Variants in MAPKAP1 observed in about 807,000 individuals in gnomAD.
MAPKAP1 encodes the protein target of rapamycin complex 2 subunit MAPKAP1.
In MAPKAP1, 20 loss-of-function variants were observed where a neutral mutation model predicts 65.7. The observed-to-expected ratio is 0.30, with a 90% CI of 0.21 to 0.44. MAPKAP1 has a LOEUF of 0.44. MAPKAP1 is among the 20% of genes least tolerant of loss of function. MAPKAP1 has a pLI of 1.00. For missense variants in MAPKAP1, 423 were observed against 648.0 expected (o/e 0.65, Z 3.77); for synonymous variants, 222 against 244.3 (o/e 0.91, Z 0.85).
At chr9:125,583,480 C>A (rs1415081655) in intron 5 of MAPKAP1, among the ~76,000 whole-genome samples, 1 of 152,222 alleles carries the variant, frequency 6.6e-6, no homozygotes, top group Non-Finnish European at 1.5e-5. Flanking sequence ...ACAGTGCCTG[C>A]AATAAGTACA....
chr9:125,655,333 T>C (rs972922981), intron 4 of MAPKAP1, among the ~76,000 whole-genome samples: 1 of 152,206 alleles, frequency 6.6e-6, no homozygotes, highest in African/African-American at 2.4e-5. Flanking sequence ...TGGAAATTAT[T>C]AAGAGTCAAC....
chr9:125,698,289 ATATATATATATATATAT>A (rs1440024480), intron 1 of MAPKAP1, among the ~76,000 whole-genome samples: 1,708 of 77,804 alleles, frequency 0.022, 132 homozygotes, highest in African/African-American at 0.077. Flanking sequence ...ATATATATAA[ATATATATATATATATAT>A]ATATATATAT....
At chr9:125,652,239 G>A (rs1366436225) in intron 4 of MAPKAP1, 4 of 1,288,278 alleles carry the variant, frequency 3.1e-6, no homozygotes, top group African/African-American at 1.5e-5. Context: ...ATAATTATCC[G>A]ACATAGACTG....
At position 125,657,978 on chromosome 9, in the gene MAPKAP1, G is replaced by A. The variant is rs115346099; in HGVS notation, c.350-179C>T. On this transcript the variant is annotated intron_variant, in intron 3 of 11. Coordinates refer to ENST00000265960, the MANE Select transcript of MAPKAP1 (RefSeq NM_001006617.3). ...CTGAAAAGGCAGAGCACGGAAGAAC[G>A]TGCAGGCCAGGATAGTCAATTTGGA... 5.5e-3 allele frequency among the ~76,000 whole-genome samples: 835 copies of A among 152,266 alleles called. 7 individuals are homozygous for A. The highest frequency in any genetic ancestry group is 0.019 in the African/African-American group (786 of 41,550).
chr9:125,661,291 C>T (rs1377267873), intron 3 of MAPKAP1, among the ~76,000 whole-genome samples: 1 of 152,180 alleles, frequency 6.6e-6, no homozygotes, highest in East Asian at 1.9e-4. Flanking sequence ...AGGAAAATCA[C>T]ATCTTCATTT....
intron 6 of MAPKAP1, among the ~76,000 whole-genome samples, chr9:125,547,873 G>C (rs1470216602): frequency 1.3e-5 from 2 of 152,126 alleles, no homozygotes; most frequent in Admixed American, 1.3e-4. Context: ...GGTATGTTCT[G>C]CCTCAACTTA....
chr9:125,655,573 G>A (rs1834012356), intron 4 of MAPKAP1, among the ~76,000 whole-genome samples: 2 of 151,958 alleles, frequency 1.3e-5, no homozygotes, highest in African/African-American at 4.8e-5. Context: ...TCATATTGAC[G>A]CATTTCACAA....
At chr9:125,620,576 T>C (rs958221236) in intron 4 of MAPKAP1, among the ~76,000 whole-genome samples, 12 of 152,216 alleles carry the variant, frequency 7.9e-5, no homozygotes, top group Non-Finnish European at 2.9e-5. Flanking sequence ...ACAGCGTTGT[T>C]TGTAATAGTA....
intron 4 of MAPKAP1, among the ~76,000 whole-genome samples, chr9:125,597,299 C>T (rs893951827): frequency 6.9e-6 from 1 of 145,758 alleles, no homozygotes; most frequent in Admixed American, 6.9e-5. Flanking sequence ...AAAAGCTTGG[C>T]CTGGTGGCAC....
chr9:125,700,550 G>GT (rs1167928152), intron 1 of MAPKAP1, among the ~76,000 whole-genome samples: 1 of 152,064 alleles, frequency 6.6e-6, no homozygotes, highest in Non-Finnish European at 1.5e-5. Context: ...TTTCGGGTTT[G>GT]TTTTTTAAGT....
intron 1 of MAPKAP1, among the ~76,000 whole-genome samples, chr9:125,681,593 A>G (rs1235324141): frequency 2.0e-5 from 3 of 152,216 alleles, no homozygotes; most frequent in Non-Finnish European, 4.4e-5. Context: ...CCAGTTAAAA[A>G]AGAACCTGGT....
intron 5 of MAPKAP1, among the ~76,000 whole-genome samples, chr9:125,563,690 A>G (rs1350870869): frequency 6.7e-6 from 1 of 150,346 alleles, no homozygotes; most frequent in Non-Finnish European, 1.5e-5. Context: ...CACTCTATGA[A>G]GAAAGCAAAG....
chr9:125,553,266 G>A (rs963722939), intron 6 of MAPKAP1, among the ~76,000 whole-genome samples: 3 of 152,126 alleles, frequency 2.0e-5, no homozygotes, highest in Non-Finnish European at 4.4e-5. Context: ...GGCTGGGCGC[G>A]GTGGCTCATG....
chr9:125,473,815 TA>T (rs1854010898), intron 9 of MAPKAP1, among the ~76,000 whole-genome samples: 1 of 152,148 alleles, frequency 6.6e-6, no homozygotes, highest in South Asian at 2.1e-4. Context: ...AGAGGGGGCT[TA>T]GGGGTAGGAA....
chr9:125,689,057 C>A (rs1317145529), intron 1 of MAPKAP1, among the ~76,000 whole-genome samples: 1 of 152,112 alleles, frequency 6.6e-6, no homozygotes, highest in African/African-American at 2.4e-5. Flanking sequence ...GAGGGTTAGG[C>A]GTATAAAGTG....
At chr9:125,604,735 G>A (rs17258072) in intron 4 of MAPKAP1, among the ~76,000 whole-genome samples, 4,126 of 152,292 alleles carry the variant, frequency 0.027, 84 homozygotes, top group Non-Finnish European at 0.044. Context: ...GGGACTGTAC[G>A]TACTCGTGCT....
intron 10 of MAPKAP1, among the ~76,000 whole-genome samples, chr9:125,466,318 G>A (rs1352518081): frequency 6.6e-6 from 1 of 152,038 alleles, no homozygotes; most frequent in African/African-American, 2.4e-5. Flanking sequence ...CTAGAGTTCT[G>A]AGGAACACGG....
chr9:125,659,702 T>C (rs970419474), intron 3 of MAPKAP1, among the ~76,000 whole-genome samples: 10 of 128,768 alleles, frequency 7.8e-5, no homozygotes, highest in African/African-American at 2.3e-4. Context: ...CACACAGTAC[T>C]GAAACACTGC....
chr9:125,547,928 G>C (rs1830476162), intron 6 of MAPKAP1, among the ~76,000 whole-genome samples: 1 of 152,184 alleles, frequency 6.6e-6, no homozygotes, highest in Non-Finnish European at 1.5e-5. Flanking sequence ...AAAAATCATG[G>C]TGGTGTAGAG....
Sources: gnomAD v4.1 joint callset for allele counts (sites outside exome capture counted in the v4.1 genomes callset) on GRCh38, gnomAD v4.1.1 for gene constraint, MANE v1.5 for transcripts, NCBI Gene and HGNC (gene_info 2026-07-23, HGNC 2026-07-21) for gene names.